The following CPNE4 variants were observed in gnomAD, a reference collection of about 807,000 sequenced individuals.
CPNE4 encodes the protein copine 4.
Under a neutral mutation model 67.9 loss-of-function variants are expected in CPNE4, and 25 were observed. The observed-to-expected ratio is 0.37, with a 90% CI of 0.27 to 0.51. The LOEUF (loss-of-function observed/expected upper bound fraction) is 0.51. Among genes scored for constraint, CPNE4 ranks in the 20% least tolerant of loss-of-function variants. The pLI is 0.93. For missense variants in CPNE4, 464 were observed against 690.8 expected (o/e 0.67, Z 3.68); for synonymous variants, 242 against 244.9 (o/e 0.99, Z 0.11).
intron 1 of CPNE4, among the ~76,000 whole-genome samples, chr3:131,997,283 G>T (rs1352586668): frequency 2.6e-5 from 4 of 152,080 alleles, no homozygotes; most frequent in Non-Finnish European, 5.9e-5. Context: ...AACAAATTTT[G>T]CAGGCCAGCT....
chr3:131,794,597 G>C (rs976575449), intron 2 of CPNE4, among the ~76,000 whole-genome samples: 1 of 152,214 alleles, frequency 6.6e-6, no homozygotes, highest in African/African-American at 2.4e-5. Flanking sequence ...CTTAGTGGTA[G>C]AATGAATTTC....
chr3:131,667,982 C>T lies in CPNE4; in HGVS notation c.681+1693G>A, dbSNP rs189994678. On this transcript the variant is annotated intron_variant, in intron 7 of 15. Transcript: ENST00000429747. ...AATTGCCATCCTATGCCTGAAGTCA[C>T]AGCTCTTGGCCATTCTGCATAGGAG... 5.9e-5 allele frequency among the ~76,000 whole-genome samples: 9 copies of T among 152,314 alleles called. No individual in the cohort carries two copies. The East Asian group carries it at 1.7e-3, about 29-fold the overall frequency.
intron 1 of CPNE4, among the ~76,000 whole-genome samples, chr3:131,987,793 C>T (rs558247067): frequency 1.6e-4 from 25 of 152,280 alleles, no homozygotes; most frequent in African/African-American, 4.8e-4. Flanking sequence ...ATTTCTAACA[C>T]GTTCCCAAGC....
chr3:131,564,493 A>G, intron 10 of CPNE4, 144 bp from the exon 11 acceptor site: 1 of 770,920 alleles, frequency 1.3e-6, no homozygotes, highest in South Asian at 2.0e-5. Flanking sequence ...GAATAAACTA[A>G]TTTGCTTGAA....
intron 7 of CPNE4, 70 bp from the exon 8 acceptor site, chr3:131,587,652 A>G: frequency 2.7e-6 from 3 of 1,108,246 alleles, no homozygotes; most frequent in Non-Finnish European, 4.1e-6. Context: ...GGCAATGTTA[A>G]CTTTAGGAGA....
At chr3:131,575,042 A>G (rs777227686) in intron 10 of CPNE4, 29 bp downstream of exon 10, 2 of 1,598,312 alleles carry the variant, frequency 1.3e-6, no homozygotes, top group South Asian at 2.2e-5. Flanking sequence ...CTGAATAAGA[A>G]TCAAGGAATC....
At chr3:131,754,154 T>G (rs2082697464) in intron 2 of CPNE4, among the ~76,000 whole-genome samples, 1 of 152,124 alleles carries the variant, frequency 6.6e-6, no homozygotes. Context: ...AGGTATTTTT[T>G]TTATGGAAAA....
chr3:131,767,321 T>C (rs911811337), intron 2 of CPNE4, among the ~76,000 whole-genome samples: 7 of 151,972 alleles, frequency 4.6e-5, no homozygotes, highest in Non-Finnish European at 8.8e-5. Flanking sequence ...TTTCATCACT[T>C]GGTTTGCCCT....
At chr3:131,870,237 T>G (rs2107690836) in intron 2 of CPNE4, among the ~76,000 whole-genome samples, 1 of 152,294 alleles carries the variant, frequency 6.6e-6, no homozygotes, top group East Asian at 1.9e-4. Context: ...TATTAATAAT[T>G]TGTTTATCCA....
intron 7 of CPNE4, among the ~76,000 whole-genome samples, chr3:131,611,853 A>C (rs1206326562): frequency 6.6e-6 from 1 of 152,012 alleles, no homozygotes; most frequent in Non-Finnish European, 1.5e-5. Context: ...ATGCCTATAA[A>C]CTTCACCATG....
intron 2 of CPNE4, among the ~76,000 whole-genome samples, chr3:131,743,806 A>G (rs2082409453): frequency 6.6e-6 from 1 of 151,708 alleles, no homozygotes. Flanking sequence ...TACTAAAAAT[A>G]CAAAAAATTA....
chr3:131,587,511 C>T lies in CPNE4; in HGVS notation c.753G>A (p.Glu251=). 6.2e-7 allele frequency: 1 copy of T among 1,613,848 alleles called. No homozygotes were observed. The highest frequency in any genetic ancestry group is 1.1e-5 in the South Asian group (1 of 91,072). ...GTTTCCCTTCCATTGCTCCTCTCAT[C>T]TCCTTGAATGTCGAGGTGAATTCTC... The part of the protein sequence containing the change: ...FIGEFTSTFK[E]MRGAMEGKQV... The change falls in exon 8 of 16, where the codon GAG becomes GAA. Residue 251 remains glutamate, a synonymous_variant. Coordinates refer to ENST00000429747, the MANE Select transcript of CPNE4 (RefSeq NM_130808.3).
intron 2 of CPNE4, among the ~76,000 whole-genome samples, chr3:131,787,484 G>T (rs1221771556): frequency 6.6e-6 from 1 of 152,124 alleles, no homozygotes; most frequent in African/African-American, 2.4e-5. Flanking sequence ...CTAATTTACT[G>T]ACTGGATGCC....
At chr3:131,890,112 T>C (rs2088048434) in intron 2 of CPNE4, among the ~76,000 whole-genome samples, 1 of 152,112 alleles carries the variant, frequency 6.6e-6, no homozygotes, top group African/African-American at 2.4e-5. Flanking sequence ...AAAAAGTTTA[T>C]GCGCGACACA....
chr3:131,931,714 A>T (rs1401941247), intron 1 of CPNE4, among the ~76,000 whole-genome samples: 1 of 152,094 alleles, frequency 6.6e-6, no homozygotes, highest in Admixed American at 6.6e-5. Context: ...AAATCAGCCT[A>T]AAGTCAGTTG....
intron 6 of CPNE4, among the ~76,000 whole-genome samples, chr3:131,680,569 T>C (rs1361932334): frequency 1.3e-5 from 2 of 152,138 alleles, no homozygotes; most frequent in Non-Finnish European, 2.9e-5. Context: ...TTAATTTCCT[T>C]TCATAGAAAG....
chr3:131,778,056 T>G (rs148723750), intron 2 of CPNE4, among the ~76,000 whole-genome samples: 1,653 of 152,212 alleles, frequency 0.011, 31 homozygotes, highest in African/African-American at 0.037. Flanking sequence ...AAACTGCTGT[T>G]TGCACAGGAA....
Position 131,939,051 on chromosome 3 carries a change from A to T in CPNE4, c.-1-33607T>A, listed in dbSNP as rs1005944622. ...ACTAATGGAAATGCAAATTAGTATA[A>T]GGCTTATTTATGCTGGGAGACTTAG... On this transcript the variant is annotated intron_variant, in intron 1 of 15. Transcript: ENST00000429747. Among the ~76,000 whole-genome samples, 8 of 152,300 alleles carry T rather than the reference A, an allele frequency of 5.3e-5. No homozygotes were observed. In the South Asian group the frequency reaches 1.7e-3, roughly 32 times the overall value.
chr3:131,592,502 T>C (rs16837165), intron 7 of CPNE4, among the ~76,000 whole-genome samples: 18,929 of 152,112 alleles, frequency 0.12, 1,543 homozygotes, highest in African/African-American at 0.23. Context: ...AACTGCCATT[T>C]ACAGGTGCAA....
Sources: gnomAD v4.1 joint callset for allele counts (sites outside exome capture counted in the v4.1 genomes callset) on GRCh38, gnomAD v4.1.1 for gene constraint, MANE v1.5 for transcripts, NCBI Gene and HGNC (gene_info 2026-07-23, HGNC 2026-07-21) for gene names.